HERC2: variants seen among roughly 807,000 people sequenced by gnomAD.
HERC2 encodes the protein E3 ubiquitin-protein ligase HERC2.
In HERC2, 102 loss-of-function variants were observed where a neutral mutation model predicts 537.7. The observed-to-expected ratio is 0.19, with a 90% CI of 0.16 to 0.22. HERC2 has a LOEUF of 0.22. HERC2 is among the 10% of genes least tolerant of loss of function. The pLI is 1.00. For synonymous variants in HERC2, 2,224 were observed against 2,466.2 expected (o/e 0.90, Z 2.91); for missense variants, 4,236 against 6,198.2 (o/e 0.68, Z 10.63).
At chr15:28,212,937 C>A (rs1489068891) in intron 42 of HERC2, 1 of 271,900 alleles carries the variant, frequency 3.7e-6, no homozygotes, top group Non-Finnish European at 5.6e-6. Context: ...TCAGGCCAGG[C>A]ACGGTGGCTC....
At chr15:28,311,335 C>T (rs540263235) in intron 2 of HERC2, among the ~76,000 whole-genome samples, 8 of 152,232 alleles carry the variant, frequency 5.3e-5, no homozygotes, top group Non-Finnish European at 1.0e-4. Flanking sequence ...CGTGGTGGTA[C>T]GCACCTGTAG....
chr15:28,267,259 C>T (rs2075594524), intron 12 of HERC2, among the ~76,000 whole-genome samples: 1 of 152,188 alleles, frequency 6.6e-6, no homozygotes, highest in Non-Finnish European at 1.5e-5. Context: ...CCTTATTCAG[C>T]TTAAGTTTCA....
At chr15:28,291,639 A>C (rs754199410) in intron 4 of HERC2, among the ~76,000 whole-genome samples, 2 of 152,152 alleles carry the variant, frequency 1.3e-5, no homozygotes, top group African/African-American at 2.4e-5. Flanking sequence ...AAAAAAAGTA[A>C]GCAAAGAATA....
chr15:28,212,302 T>C (rs2140430133), intron 43 of HERC2, 143 bp downstream of exon 43: 1 of 724,132 alleles, frequency 1.4e-6, no homozygotes, highest in Non-Finnish European at 2.5e-6. Flanking sequence ...AGGGTTACAT[T>C]CCCAACCGCA....
intron 85 of HERC2, among the ~76,000 whole-genome samples, chr15:28,121,808 C>T (rs1021855959): frequency 1.3e-5 from 2 of 152,232 alleles, no homozygotes; most frequent in Non-Finnish European, 2.9e-5. Context: ...CAAGCCCACC[C>T]GTGGCAGGGA....
chr15:28,153,783 T>A (rs1892703665), intron 69 of HERC2, among the ~76,000 whole-genome samples: 1 of 152,152 alleles, frequency 6.6e-6, no homozygotes, highest in Non-Finnish European at 1.5e-5. Context: ...TACTTCCTAG[T>A]GAGGAAAGTT....
chr15:28,120,060 A>G (rs142864451), intron 86 of HERC2, among the ~76,000 whole-genome samples: 38 of 152,332 alleles, frequency 2.5e-4, no homozygotes, highest in African/African-American at 8.9e-4. Context: ...CGCGGGGGTT[A>G]GACAACGCAG....
intron 14 of HERC2, among the ~76,000 whole-genome samples, chr15:28,264,085 A>C (rs1393140371): frequency 3.3e-5 from 5 of 152,104 alleles, no homozygotes; most frequent in Non-Finnish European, 7.4e-5. Context: ...TGAAAACTGT[A>C]AAAGATCAGG....
chr15:28,265,850 A>G lies in HERC2; in HGVS notation c.1723T>C (p.Trp575Arg). The G allele has an allele frequency of 6.2e-7, 1 of 1,614,144 alleles. No individual in the cohort carries two copies. Among genetic ancestry groups the G allele is most frequent in the Non-Finnish European group, 8.5e-7 (1 of 1,180,016 alleles). ...AGCCGGCCGTAGTTCCCGCGGCCCC[A>G]GGTGTACAGCTCCCCCTCGGCAGTG... ...AITAEGELYT[W>R]GRGNYGRLGH... The change falls in exon 13 of 93, where the codon TGG becomes CGG. Residue 575 changes from tryptophan (W) to arginine (R), a missense_variant. By Grantham distance (101) the Trp-to-Arg change is moderately radical. Transcript: ENST00000261609. The surrounding 1 kb of genome is among the most constrained non-coding windows in gnomAD (Gnocchi z 4.0).
chr15:28,149,352 C>G (rs184035203), intron 70 of HERC2, among the ~76,000 whole-genome samples: 1 of 150,924 alleles, frequency 6.6e-6, no homozygotes, highest in Non-Finnish European at 1.5e-5. Context: ...AGTAAAATTA[C>G]CAAAAAAACA....
chr15:28,320,042 A>G (rs866219699), intron 2 of HERC2: 5 of 152,174 alleles, frequency 3.3e-5, no homozygotes, highest in Middle Eastern at 6.8e-3. Flanking sequence ...GAGTAACTAC[A>G]CCAATTCTTG....
chr15:28,220,325 G>A (rs920882050), intron 37 of HERC2, 127 bp downstream of exon 37: 9 of 845,922 alleles, frequency 1.1e-5, no homozygotes, highest in South Asian at 4.4e-5. Flanking sequence ...TGCAGGCTCC[G>A]AGGACAGAGC....
At chr15:28,276,133 C>G (rs928850231) in intron 5 of HERC2, among the ~76,000 whole-genome samples, 3 of 138,804 alleles carry the variant, frequency 2.2e-5, no homozygotes, top group African/African-American at 8.3e-5. Context: ...TTGCAGTGAG[C>G]CAAGATCGCA....
chr15:28,127,119 G>A (rs868438203), intron 83 of HERC2, among the ~76,000 whole-genome samples: 1 of 152,230 alleles, frequency 6.6e-6, no homozygotes. Context: ...AAAGTGTGAC[G>A]CCTGCGTGGT....
chr15:28,183,996 T>C (rs1477411064), intron 56 of HERC2, among the ~76,000 whole-genome samples: 3 of 152,080 alleles, frequency 2.0e-5, no homozygotes, highest in African/African-American at 7.2e-5. Context: ...GAGACCAGCC[T>C]GGGCAACACG....
chr15:28,256,551 C>T (rs2075267962), intron 17 of HERC2, among the ~76,000 whole-genome samples: 1 of 152,154 alleles, frequency 6.6e-6, no homozygotes, highest in African/African-American at 2.4e-5. Context: ...TCAAGATCAG[C>T]AGAAGAGCTA....
rs1889078485 is a variant in HERC2, at chr15:28,122,868, G to C, written c.13188+1169C>G. Among the ~76,000 whole-genome samples, 1 of 152,006 alleles carries C rather than the reference G, an allele frequency of 6.6e-6. No individual in the cohort carries two copies. Among genetic ancestry groups the C allele is most frequent in the Non-Finnish European group, 1.5e-5 (1 of 68,012 alleles). Reference sequence around the variant, plus strand: ...AGCTCCCACCCATGCCCCGCTCACAGCCTGCACAACGCTCACACAGGGCCA... The same window carrying C: ...AGCTCCCACCCATGCCCCGCTCACACCCTGCACAACGCTCACACAGGGCCA... On this transcript the variant is annotated intron_variant, in intron 85 of 92. Coordinates refer to ENST00000261609, the MANE Select transcript of HERC2 (RefSeq NM_004667.6). The surrounding 1 kb of genome is among the most constrained non-coding windows in gnomAD (Gnocchi z 4.1).
chr15:28,173,539 CCATAATCCCAG>C, intron 65 of HERC2, among the ~76,000 whole-genome samples: 1 of 152,104 alleles, frequency 6.6e-6, no homozygotes, highest in South Asian at 2.1e-4. Flanking sequence ...TGGCTCCTGC[CCATAATCCCAG>C]CACTTTGGGA....
chr15:28,265,227 T>C lies in HERC2; in HGVS notation c.1870+391A>G, dbSNP rs2075529025. Among the ~76,000 whole-genome samples the C allele has an allele frequency of 6.6e-6, 1 of 151,638 alleles. No homozygotes were observed. The highest frequency in any genetic ancestry group is 2.1e-4 in the South Asian group (1 of 4,808). ...AGGAACACAAACATAAAACCAAAATTCAAAGCAAGCAGATACCGTAGCATC... is the reference window on the plus strand; with the variant it reads ...AGGAACACAAACATAAAACCAAAATCCAAAGCAAGCAGATACCGTAGCATC... On this transcript the variant is annotated intron_variant, in intron 14 of 92. Coordinates refer to ENST00000261609, the MANE Select transcript of HERC2 (RefSeq NM_004667.6). This position sits in a 1 kb window ranked among gnomAD's most constrained non-coding sequence, Gnocchi z 4.0.
Sources: gnomAD v4.1 joint callset for allele counts (sites outside exome capture counted in the v4.1 genomes callset) on GRCh38, gnomAD v4.1.1 for gene constraint, Gnocchi (gnomAD v3.1) non-coding constraint, MANE v1.5 for transcripts, NCBI Gene and HGNC (gene_info 2026-07-23, HGNC 2026-07-21) for gene names.